ZNF568: variants seen among roughly 807,000 people sequenced by gnomAD.
The protein encoded by ZNF568 is zinc finger protein 568.
In ZNF568, 11 loss-of-function variants were observed where a neutral mutation model predicts 18.1. That is an observed-to-expected ratio of 0.61 (90% CI 0.38 to 1.00). The LOEUF (loss-of-function observed/expected upper bound fraction) is 1.00. Ranked by LOEUF, ZNF568 falls within the 50% of genes least tolerant of loss-of-function variation. The pLI is 0.01. For missense variants in ZNF568, 639 were observed against 768.2 expected (o/e 0.83, Z 1.99); for synonymous variants, 213 against 246.6 (o/e 0.86, Z 1.28).
intron 4 of ZNF568, among the ~76,000 whole-genome samples, chr19:36,935,669 A>T (rs2146289173): frequency 6.6e-6 from 1 of 151,996 alleles, no homozygotes; most frequent in East Asian, 1.9e-4. Flanking sequence ...AGACTGTTAG[A>T]TGCATATATA....
chr19:36,965,611 G>C (rs978922067), intron 6 of ZNF568, among the ~76,000 whole-genome samples: 1 of 151,738 alleles, frequency 6.6e-6, no homozygotes, highest in Non-Finnish European at 1.5e-5. Context: ...TGCCCGTAAT[G>C]CTGCTGCCAG....
intron 6 of ZNF568, among the ~76,000 whole-genome samples, chr19:36,963,915 C>T (rs1008766569): frequency 1.1e-4 from 16 of 143,782 alleles, no homozygotes; most frequent in African/African-American, 3.9e-4. Flanking sequence ...TGCAGTGAGC[C>T]GAGATTGTGC....
chr19:36,991,165 T>A, intron 2 of ZNF568: 1 of 1,526,302 alleles, frequency 6.6e-7, no homozygotes, highest in Non-Finnish European at 8.7e-7. Context: ...TGTATTTATT[T>A]TTGGTTTCAG....
intron 6 of ZNF568, among the ~76,000 whole-genome samples, chr19:36,964,126 T>C (rs2074176002): frequency 6.7e-6 from 1 of 148,536 alleles, no homozygotes; most frequent in African/African-American, 2.5e-5. Flanking sequence ...AGTAACTTTG[T>C]AAGATCTCAG....
At chr19:36,992,268 C>A (rs2074432195) in intron 4 of ZNF568, among the ~76,000 whole-genome samples, 1 of 145,034 alleles carries the variant, frequency 6.9e-6, no homozygotes, top group Non-Finnish European at 1.5e-5. Context: ...AAAAAGGAGG[C>A]CAAGGCAGGC....
chr19:36,986,459 C>A (rs1391583888), intron 2 of ZNF568, among the ~76,000 whole-genome samples: 1 of 152,142 alleles, frequency 6.6e-6, no homozygotes, highest in African/African-American at 2.4e-5. Flanking sequence ...CCTCTCTGTT[C>A]CCATTTTGAC....
chr19:36,960,400 G>A lies in ZNF568; in HGVS notation c.359-14020G>A, dbSNP rs185549568. Among the ~76,000 whole-genome samples, 351 of 152,142 alleles carry A rather than the reference G, an allele frequency of 2.3e-3. 2 individuals are homozygous for A. Among genetic ancestry groups the A allele is most frequent in the African/African-American group, 7.6e-3 (314 of 41,522 alleles). On this transcript the variant is annotated intron_variant, in intron 6 of 7. Transcript: ENST00000427117. The stretch of plus-strand genomic sequence containing the variant: ...CCCAAAGTGTTGGGATTACAGGTAC[G>A]AGCCACTGTGCCCAGCTAACTTTTT...
intron 7 of ZNF568, chr19:36,974,538 A>G (rs1220648711): frequency 1.4e-6 from 2 of 1,383,474 alleles, no homozygotes; most frequent in Non-Finnish European, 2.0e-6. Context: ...TCAGAAATTT[A>G]TCTAAAATAT....
chr19:36,985,248 C>A (rs766265956), intron 2 of ZNF568, among the ~76,000 whole-genome samples: 16 of 151,982 alleles, frequency 1.1e-4, no homozygotes, highest in Non-Finnish European at 1.8e-4. Context: ...TATTTCTTTT[C>A]CTTTTTTTGA....
rs1193440344 is a variant in ZNF568, at chr19:36,975,681, C to CTTT, written c.405+1234_405+1236dup. 3.6e-4 allele frequency among the ~76,000 whole-genome samples: 27 copies of CTTT among 75,774 alleles called. 3 individuals are homozygous for CTTT. The highest frequency in any genetic ancestry group is 9.1e-4 in the African/African-American group (15 of 16,420). 49.7% of individuals were successfully genotyped at this position (75,774 alleles called of 152,430 possible). The stretch of plus-strand genomic sequence containing the variant: ...GCAGGCGTGAGCCACCGCGCCAAGA[C>CTTT]TTTTTTTTTTTTTTTTTTTTTGAGA... On this transcript the variant is annotated intron_variant, in intron 7 of 7. Coordinates refer to the ZNF568 transcript ENST00000427117.
intron 6 of ZNF568, among the ~76,000 whole-genome samples, chr19:36,949,290 T>C (rs2074017637): frequency 6.6e-6 from 1 of 152,220 alleles, no homozygotes; most frequent in Admixed American, 6.5e-5. Flanking sequence ...CAGTCAAGGC[T>C]ACTTGGACCT....
chr19:36,986,450 CT>C lies in ZNF568; in HGVS notation c.10-4725del, dbSNP rs770503320. Among the ~76,000 whole-genome samples the C allele has an allele frequency of 6.6e-5, 10 of 152,298 alleles. No individual in the cohort carries two copies. In the East Asian group the frequency reaches 1.3e-3, roughly 21 times the overall value. On this transcript the variant is annotated intron_variant, in intron 2 of 4. Coordinates refer to the ZNF568 transcript ENST00000433993. ...TAAGCCTCAGTGGCTCAGCTTACCC[CT>C]CTCTGTTCCCATTTTGACATAGTTT...
At chr19:36,933,919 T>G (rs1482449879) in intron 4 of ZNF568, among the ~76,000 whole-genome samples, 4 of 32,904 alleles carry the variant, frequency 1.2e-4, no homozygotes, top group East Asian at 3.5e-4. Context: ...TTGTTTTGTT[T>G]TTTTGTTTTT....
chr19:36,950,892 A>T lies in ZNF568; in HGVS notation c.1739A>T (p.His580Leu). ...ISSLTLHVRS[H>L]TGEKPYECNK... is the part of the protein sequence containing the mutation. ...TCCCTCACTCTTCATGTGAGAAGTC[A>T]CACAGGGGAGAAACCCTATGAATGT... The change falls in exon 7 of 7, where the codon CAC becomes CTC. Residue 580 changes from histidine to leucine, a missense_variant. His to Leu is a moderately conservative substitution (Grantham distance 99). Transcript: ENST00000333987. The T allele has an allele frequency of 6.2e-7, 1 of 1,613,666 alleles. No homozygotes were observed.
In ZNF568 at chr19:36,951,864, A is replaced by G. The variant is rs2074064965; in HGVS notation, c.*776A>G. 2.3e-6 allele frequency: 2 copies of G among 857,746 alleles called. No homozygotes were observed. Among genetic ancestry groups the G allele is most frequent in the Non-Finnish European group, 2.8e-6 (2 of 714,538 alleles). The allele number at this position is 857,746 out of a possible 1,614,324, so 53.1% of individuals were successfully genotyped here. A position where few individuals can be genotyped will look rare whatever the true frequency, so the allele number is the denominator to read the frequency against. ...GGGTAGTCTTGAACTCCTGACTTCA[A>G]AAGTGATCGCCCTCTTTGGCCTCCC... On this transcript the variant is annotated 3_prime_UTR_variant, in exon 7 of 7. Coordinates refer to ENST00000333987, the MANE Select transcript of ZNF568 (RefSeq NM_198539.4).
intron 4 of ZNF568, among the ~76,000 whole-genome samples, chr19:36,935,976 A>T (rs891835213): frequency 6.6e-6 from 1 of 152,090 alleles, no homozygotes; most frequent in Non-Finnish European, 1.5e-5. Context: ...CACTAAAATT[A>T]TTGGGCTATG....
intron 6 of ZNF568, among the ~76,000 whole-genome samples, chr19:36,968,705 C>T (rs1381301072): frequency 6.7e-6 from 1 of 149,090 alleles, no homozygotes; most frequent in Non-Finnish European, 1.5e-5. Context: ...GCCAAGTGAT[C>T]AAATTGGCTC....
intron 4 of ZNF568, among the ~76,000 whole-genome samples, chr19:36,933,314 C>T (rs537695181): frequency 6.6e-6 from 1 of 152,032 alleles, no homozygotes; most frequent in Non-Finnish European, 1.5e-5. Context: ...TTTTTATCAC[C>T]ATTTATTATG....
At chr19:36,946,436 C>A (rs1209908079) in intron 6 of ZNF568, among the ~76,000 whole-genome samples, 1 of 151,844 alleles carries the variant, frequency 6.6e-6, no homozygotes, top group Non-Finnish European at 1.5e-5. Flanking sequence ...TTTGTCACTC[C>A]TAGAATTACT....
Sources: allele counts gnomAD v4.1 joint callset (sites outside exome capture counted in the v4.1 genomes callset), GRCh38; gene constraint gnomAD v4.1.1; transcripts MANE v1.5; gene names NCBI Gene and HGNC (gene_info 2026-07-23, HGNC 2026-07-21).